KLHL29: variants seen among roughly 807,000 people sequenced by gnomAD.
KLHL29 encodes kelch-like protein 29.
KLHL29 carries 21 observed loss-of-function variants against 80.4 expected under a neutral mutation model. That is an observed-to-expected ratio of 0.26 (90% confidence interval 0.19 to 0.38). The LOEUF is 0.38. Among genes scored for constraint, KLHL29 ranks in the 10% least tolerant of loss-of-function variants. KLHL29 has a pLI of 1.00. For missense variants in KLHL29, 867 were observed against 1,223.9 expected (o/e 0.71, Z 4.35); for synonymous variants, 511 against 526.8 (o/e 0.97, Z 0.41).
At chr2:23,642,281 G>A in intron 4 of KLHL29, 57 bp from the exon 5 acceptor site, 1 of 1,387,630 alleles carries the variant, frequency 7.2e-7, no homozygotes, top group South Asian at 2.0e-5. Context: ...GGGATGGTCA[G>A]TGTTTGTTGA....
chr2:23,684,302 T>C lies in KLHL29; in HGVS notation c.941-97T>C. The C allele has an allele frequency of 1.1e-6, 1 of 913,892 alleles. No homozygotes were observed. Among genetic ancestry groups the C allele is most frequent in the Non-Finnish European group, 1.5e-6 (1 of 663,094 alleles). 56.6% of individuals were successfully genotyped at this position (913,892 alleles called of 1,614,324 possible). On this transcript the variant is annotated intron_variant, in intron 5 of 13. Coordinates refer to ENST00000486442, the MANE Select transcript of KLHL29 (RefSeq NM_052920.2). This position sits in a 1 kb window ranked among gnomAD's most constrained non-coding sequence, Gnocchi z 4.4. ...GAAACAATATCAAGTATTTCCTATT[T>C]CTCTACTTCTTGAAAAAAGAAAAAA...
Position 23,454,807 on chromosome 2 carries a change from T to A in KLHL29, c.-153-20753T>A, listed in dbSNP as rs1663997192. Among the ~76,000 whole-genome samples the A allele has an allele frequency of 1.3e-5, 2 of 152,024 alleles. 1 individual carries two copies. Among genetic ancestry groups the A allele is most frequent in the Admixed American group, 1.3e-4 (2 of 15,256 alleles). On this transcript the variant is annotated intron_variant, in intron 1 of 13. Coordinates refer to ENST00000486442, the MANE Select transcript of KLHL29 (RefSeq NM_052920.2). ...CTTCCTCAATGATTTTTTTTTAAAT[T>A]TTGTACAACAAATATTCCTCGGTGC... is the stretch of plus-strand genomic sequence containing the variant.
intron 13 of KLHL29, among the ~76,000 whole-genome samples, chr2:23,706,011 A>G (rs1281219182): frequency 6.6e-6 from 1 of 152,230 alleles, no homozygotes; most frequent in Non-Finnish European, 1.5e-5. Context: ...CAGGTCACAC[A>G]GAAGCACCTT....
intron 1 of KLHL29, among the ~76,000 whole-genome samples, chr2:23,436,602 A>G (rs1663351103): frequency 6.6e-6 from 1 of 152,134 alleles, no homozygotes; most frequent in Admixed American, 6.6e-5. Context: ...ACAAAGCCAC[A>G]GGTGCGCATT....
intron 3 of KLHL29, among the ~76,000 whole-genome samples, chr2:23,638,739 C>G (rs1182590941): frequency 6.6e-6 from 1 of 152,202 alleles, no homozygotes. Context: ...ACAGTCAGTA[C>G]TCAGCACATG....
intron 5 of KLHL29, 66 bp downstream of exon 5, chr2:23,642,916 A>T (rs1572460602): frequency 6.6e-7 from 1 of 1,522,258 alleles, no homozygotes; most frequent in African/African-American, 1.4e-5. Flanking sequence ...GGTCACTGCA[A>T]CACCACCGGG....
intron 2 of KLHL29, among the ~76,000 whole-genome samples, chr2:23,506,006 G>A (rs1665587421): frequency 6.6e-6 from 1 of 152,182 alleles, no homozygotes; most frequent in Non-Finnish European, 1.5e-5. Flanking sequence ...ATGCAGCCCA[G>A]AGCCCGACCA....
chr2:23,577,186 A>G (rs1572412463), intron 3 of KLHL29, among the ~76,000 whole-genome samples: 2 of 152,338 alleles, frequency 1.3e-5, no homozygotes, highest in Non-Finnish European at 2.9e-5. Flanking sequence ...GCAGTCGCTC[A>G]CGCCTATAAT....
At chr2:23,511,476 T>A (rs1368943205) in intron 2 of KLHL29, among the ~76,000 whole-genome samples, 1 of 151,318 alleles carries the variant, frequency 6.6e-6, no homozygotes, top group African/African-American at 2.4e-5. Flanking sequence ...GAGCGGGGAG[T>A]GTTAGGGAAG....
rs982403837 is a variant in KLHL29 at position 23,596,481 on chromosome 2, C to T, written c.285+34000C>T. Among the ~76,000 whole-genome samples, 2 of 152,114 alleles carry T rather than the reference C, an allele frequency of 1.3e-5. No individual in the cohort carries two copies. The highest frequency in any genetic ancestry group is 2.1e-4 in the South Asian group (1 of 4,824). ...AGCAGAACAGAGTCACTAGGAGGCT[C>T]GCTGTGATTTATCAGGGGCCATGCC... On this transcript the variant is annotated intron_variant, in intron 3 of 13. Coordinates refer to ENST00000486442, the MANE Select transcript of KLHL29 (RefSeq NM_052920.2). This position sits in a 1 kb window ranked among gnomAD's most constrained non-coding sequence, Gnocchi z 4.4.
At chr2:23,490,509 C>T (rs1282437704) in intron 2 of KLHL29, among the ~76,000 whole-genome samples, 1 of 152,200 alleles carries the variant, frequency 6.6e-6, no homozygotes. Flanking sequence ...AAGTGTGATA[C>T]TTAGATGTGA....
chr2:23,547,647 T>C (rs1306494095), intron 2 of KLHL29, among the ~76,000 whole-genome samples: 1 of 151,980 alleles, frequency 6.6e-6, no homozygotes. Context: ...ATAGACATCG[T>C]GCCCAAAAGT....
At position 23,477,031 on chromosome 2, in the gene KLHL29, G is replaced by A. The variant is rs755258320; in HGVS notation, c.-46+1364G>A. ...CTGGAGGGCAGAGGAGTGGGCTCTC[G>A]GATCCAGGACAGTGGAGGCCCAGCT... On this transcript the variant is annotated intron_variant, in intron 2 of 13. Coordinates refer to ENST00000486442, the MANE Select transcript of KLHL29 (RefSeq NM_052920.2). 8.3e-4 allele frequency among the ~76,000 whole-genome samples: 126 copies of A among 152,384 alleles called. No individual in the cohort carries two copies. The Middle Eastern group carries it at 0.02, about 25-fold the overall frequency.
chr2:23,658,298 C>G (rs1670302289), intron 5 of KLHL29, among the ~76,000 whole-genome samples: 1 of 152,126 alleles, frequency 6.6e-6, no homozygotes, highest in Admixed American at 6.5e-5. Flanking sequence ...TGAGGAAAAC[C>G]CCCTGAGCCC....
chr2:23,480,541 C>G (rs1456240527), intron 2 of KLHL29, among the ~76,000 whole-genome samples: 6 of 152,042 alleles, frequency 3.9e-5, no homozygotes, highest in Admixed American at 3.9e-4. Context: ...CCCAGATATT[C>G]TAATTGCTGT....
At chr2:23,454,828 G>A (rs1037520093) in intron 1 of KLHL29, among the ~76,000 whole-genome samples, 3 of 151,338 alleles carry the variant, frequency 2.0e-5, no homozygotes, top group South Asian at 4.2e-4. Context: ...AATATTCCTC[G>A]GTGCCTCCTG....
At chr2:23,678,996 A>C (rs967121514) in intron 5 of KLHL29, among the ~76,000 whole-genome samples, 1 of 151,980 alleles carries the variant, frequency 6.6e-6, no homozygotes, top group African/African-American at 2.4e-5. Context: ...AACAGTGTGA[A>C]TATACTTAAC....
intron 5 of KLHL29, among the ~76,000 whole-genome samples, chr2:23,648,359 A>G (rs1669996956): frequency 1.3e-5 from 2 of 151,918 alleles, no homozygotes; most frequent in Non-Finnish European, 2.9e-5. Flanking sequence ...AAAACTGTTC[A>G]CTGTGATTAC....
At chr2:23,668,296 T>G (rs546627411) in intron 5 of KLHL29, 1 of 152,380 alleles carries the variant, frequency 6.6e-6, no homozygotes, top group Admixed American at 6.5e-5. Flanking sequence ...ACCTGAAACC[T>G]ACCTGAGGCC....
Sources: allele counts gnomAD v4.1 joint callset (sites outside exome capture counted in the v4.1 genomes callset), GRCh38; gene constraint gnomAD v4.1.1; non-coding constraint Gnocchi (gnomAD v3.1); transcripts MANE v1.5; gene names NCBI Gene and HGNC (gene_info 2026-07-23, HGNC 2026-07-21).